TEX10: variants seen among roughly 807,000 people sequenced by gnomAD.
TEX10 encodes testis expressed 10, also known as testis-expressed protein 10.
A neutral mutation model predicts 104.4 loss-of-function variants in TEX10; 24 were observed. The ratio of observed to expected loss-of-function variants is 0.23; its 90% CI spans 0.17 to 0.32. The LOEUF (loss-of-function observed/expected upper bound fraction) is 0.32. TEX10 is among the 10% of genes least tolerant of loss of function. The pLI, the probability that TEX10 is intolerant of heterozygous loss-of-function variation, is 1.00. For missense variants in TEX10, 921 were observed against 1,083.9 expected (o/e 0.85, Z 2.11); for synonymous variants, 396 against 393.4 (o/e 1.01, Z -0.08).
rs1834160203 is a variant in TEX10, at chr9:100,307,095, A to G, written c.2465+1405T>C. The G allele has an allele frequency of 2.6e-5, 4 of 152,366 alleles. No individual in the cohort carries two copies. In the South Asian group the frequency reaches 8.3e-4, roughly 32 times the overall value. 9.4% of individuals were successfully genotyped at this position (152,366 alleles called of 1,614,324 possible). A position where few individuals can be genotyped will look rare whatever the true frequency, so the allele number is the denominator to read the frequency against. ...ATCGTCGAATTTATGTTATGCATAA[A>G]TTTTATAGTATATTTAAAGTGAAAT... is the stretch of plus-strand genomic sequence containing the variant. On this transcript the variant is annotated intron_variant, in intron 13 of 14. Transcript: ENST00000374902.
chr9:100,350,078 G>A lies in TEX10; in HGVS notation c.-9-706C>T, dbSNP rs79465078. On this transcript the variant is annotated intron_variant, in intron 1 of 14. Transcript: ENST00000374902. Reference sequence around the variant, plus strand: ...AAATATAATGTAATAGGGGGATAAGGAACAAAGACCAGCTAAGCCACTATT... The same window carrying A: ...AAATATAATGTAATAGGGGGATAAGAAACAAAGACCAGCTAAGCCACTATT... 9.8e-3 allele frequency among the ~76,000 whole-genome samples: 1,485 copies of A among 152,212 alleles called. 11 individuals are homozygous for A. The highest frequency in any genetic ancestry group is 0.02 in the South Asian group (96 of 4,826).
rs1341692903 is a variant in TEX10, at chr9:100,346,748, T to C, written c.839A>G (p.Gln280Arg). 2 of 1,614,202 alleles carry C rather than the reference T, an allele frequency of 1.2e-6. No individual in the cohort carries two copies. The highest frequency in any genetic ancestry group is 1.7e-5 in the Admixed American group (1 of 60,030). The part of the protein sequence containing the change: ...KEHANDQQHI[Q>R]VYENGGSQPN... The stretch of plus-strand genomic sequence containing the variant: ...CTGTGAACCCCCATTTTCATAAACC[T>C]GGATGTGTTGCTGGTCGTTGGCATG... Residue 280 changes from glutamine to arginine, a missense_variant, in exon 3 of 15, where the codon CAG (glutamine) becomes CGG (arginine). Gln to Arg is a conservative substitution (Grantham distance 43, BLOSUM62 1). Around this residue, in one of 3 missense-constraint regions of TEX10, gnomAD observed 753 missense variants for 868.4 expected, o/e 0.87. Coordinates refer to ENST00000374902, the MANE Select transcript of TEX10 (RefSeq NM_017746.4).
At chr9:100,350,950 AAATAGGGAT>A (rs1835425329) in intron 1 of TEX10, among the ~76,000 whole-genome samples, 1 of 152,148 alleles carries the variant, frequency 6.6e-6, no homozygotes. Context: ...TCTATCTACA[AAATAGGGAT>A]AATCATACAC....
At chr9:100,339,912 G>A (rs747866076) in intron 5 of TEX10, among the ~76,000 whole-genome samples, 11 of 151,908 alleles carry the variant, frequency 7.2e-5, no homozygotes, top group Non-Finnish European at 1.2e-4. Context: ...GGAACTAGAT[G>A]ATCATCAAGA....
chr9:100,310,662 T>G (rs996155188), intron 11 of TEX10, among the ~76,000 whole-genome samples: 17 of 152,220 alleles, frequency 1.1e-4, no homozygotes, highest in African/African-American at 3.6e-4. Flanking sequence ...TGTCTTAAAC[T>G]CCTGGATTCA....
At chr9:100,314,472 A>C (rs1834363404) in intron 11 of TEX10, among the ~76,000 whole-genome samples, 1 of 151,878 alleles carries the variant, frequency 6.6e-6, no homozygotes, top group East Asian at 1.9e-4. Context: ...AACCTTGGGG[A>C]GTTGTATGTT....
chr9:100,324,716 T>C (rs923724494), intron 9 of TEX10, among the ~76,000 whole-genome samples: 2 of 152,214 alleles, frequency 1.3e-5, no homozygotes, highest in African/African-American at 4.8e-5. Flanking sequence ...TAAATGCATC[T>C]TCCAAGGAGA....
chr9:100,318,663 T>C (rs559436020), intron 11 of TEX10, among the ~76,000 whole-genome samples: 10 of 152,380 alleles, frequency 6.6e-5, no homozygotes, highest in African/African-American at 2.2e-4. Flanking sequence ...AACAAATCTT[T>C]AGTATTAATG....
chr9:100,344,986 G>GT (rs1166018699), intron 4 of TEX10, among the ~76,000 whole-genome samples: 1 of 152,148 alleles, frequency 6.6e-6, no homozygotes, highest in African/African-American at 2.4e-5. Context: ...GATCAAGACT[G>GT]TAAGTACTAT....
chr9:100,326,833 CTTTG>C (rs1317862245), intron 8 of TEX10, among the ~76,000 whole-genome samples: 4 of 152,202 alleles, frequency 2.6e-5, no homozygotes, highest in East Asian at 1.9e-4. Context: ...AAGCAAAAGA[CTTTG>C]TTTGCTGTGT....
rs768195889 is a variant in TEX10, at chr9:100,346,909, T to G, written c.678A>C (p.Lys226Asn). 2 of 1,614,242 alleles carry G rather than the reference T, an allele frequency of 1.2e-6. No homozygotes were observed. The highest frequency in any genetic ancestry group is 1.7e-6 in the Non-Finnish European group (2 of 1,180,032). The change falls in exon 3 of 15, where the codon AAA becomes AAC. Residue 226 changes from lysine to asparagine, a missense_variant. This residue lies in a region of TEX10 where 753 missense variants were observed against 868.4 expected (regional missense o/e 0.87). Transcript: ENST00000374902. Reference protein sequence around the residue: ...RRLTSQQWRLKVLVRLSKFLQ... With the variant: ...RRLTSQQWRLNVLVRLSKFLQ... ...GGAATTTACTGAGTCTCACTAAGAC[T>G]TTCAGCCTCCATTGCTGAGAAGTGA...
intron 11 of TEX10, among the ~76,000 whole-genome samples, chr9:100,318,549 T>C (rs947798988): frequency 6.6e-6 from 1 of 152,220 alleles, no homozygotes; most frequent in African/African-American, 2.4e-5. Context: ...AGATACCTGA[T>C]TCACCATTGT....
intron 5 of TEX10, among the ~76,000 whole-genome samples, chr9:100,332,271 G>T (rs1423507444): frequency 1.3e-5 from 2 of 152,192 alleles, no homozygotes; most frequent in Non-Finnish European, 2.9e-5. Flanking sequence ...AGTAAACACT[G>T]GGATAGAATT....
At chr9:100,348,409 A>C (rs532737803) in intron 2 of TEX10, among the ~76,000 whole-genome samples, 1 of 152,346 alleles carries the variant, frequency 6.6e-6, no homozygotes, top group South Asian at 2.1e-4. Context: ...AGAGATTTTA[A>C]TTATGTGTAA....
intron 5 of TEX10, among the ~76,000 whole-genome samples, chr9:100,331,325 T>C (rs1450515793): frequency 6.6e-6 from 1 of 152,176 alleles, no homozygotes; most frequent in Non-Finnish European, 1.5e-5. Context: ...TAGTCCTAGC[T>C]ACTCAGGAGG....
intron 1 of TEX10, among the ~76,000 whole-genome samples, chr9:100,351,677 T>C (rs1475818564): frequency 2.0e-5 from 3 of 152,208 alleles, no homozygotes; most frequent in Non-Finnish European, 2.9e-5. Context: ...TGCCATATTA[T>C]CTATCGCTTT....
At chr9:100,345,871 AT>A (rs1835287982) in intron 4 of TEX10, among the ~76,000 whole-genome samples, 200 bp downstream of exon 4, 1 of 4,398 alleles carries the variant, frequency 2.3e-4, no homozygotes, top group African/African-American at 0.01. Context: ...TCACTTAAAT[AT>A]ATATATATAT....
At position 100,352,901 on chromosome 9, in the gene TEX10, T is replaced by G. The variant is rs183961477; in HGVS notation, c.-139A>C. ...CGGAGCGTGTTTTCAAATAGCCTCGTCCTCACGCGGCCGCGTCTCCTTCCG... is the reference window on the plus strand; with the variant it reads ...CGGAGCGTGTTTTCAAATAGCCTCGGCCTCACGCGGCCGCGTCTCCTTCCG... On this transcript the variant is annotated 5_prime_UTR_variant, in exon 1 of 15. Transcript: ENST00000374902. 15 of 991,350 alleles carry G rather than the reference T, an allele frequency of 1.5e-5. No homozygotes were observed. The South Asian group carries it at 5.1e-4, about 33-fold the overall frequency. The allele number at this position is 991,350 out of a possible 1,614,324, so 61.4% of individuals were successfully genotyped here.
At chr9:100,333,081 C>T (rs968059952) in intron 5 of TEX10, among the ~76,000 whole-genome samples, 6 of 152,064 alleles carry the variant, frequency 3.9e-5, no homozygotes, top group Non-Finnish European at 7.4e-5. Flanking sequence ...CCTCCCACCT[C>T]GGCCTCCCGG....
Sources: allele counts gnomAD v4.1 joint callset (sites outside exome capture counted in the v4.1 genomes callset), GRCh38; gene constraint gnomAD v4.1.1; regional missense constraint gnomAD v4.1.1; transcripts MANE v1.5; gene names NCBI Gene and HGNC (gene_info 2026-07-23, HGNC 2026-07-21).